Variants in CCL28 observed in about 807,000 individuals in gnomAD.
CCL28 encodes the protein C-C motif chemokine ligand 28, also known as C-C motif chemokine 28.
A neutral mutation model predicts 7.1 loss-of-function variants in CCL28; 4 were observed. The ratio of observed to expected loss-of-function variants is 0.56; its 90% CI spans 0.28 to 1.29. The LOEUF (loss-of-function observed/expected upper bound fraction) is 1.29. Among genes scored for constraint, CCL28 ranks in the 50% most tolerant of loss-of-function variants. CCL28 has a pLI of 0.11. For missense variants in CCL28, 151 were observed against 163.4 expected (o/e 0.92, Z 0.41); for synonymous variants, 55 against 57.8 (o/e 0.95, Z 0.22).
the CCL28 span, among the ~76,000 whole-genome samples, chr5:43,359,948 C>G: frequency 1.3e-5 from 2 of 151,974 alleles, no homozygotes; most frequent in African/African-American, 2.4e-5. Flanking sequence ...TCAGCAGCAC[C>G]CATTCCCTAG....
At chr5:43,362,088 G>C in the CCL28 span, among the ~76,000 whole-genome samples, 2 of 152,144 alleles carry the variant, frequency 1.3e-5, no homozygotes, top group African/African-American at 4.8e-5. Flanking sequence ...GCTTTGGGCA[G>C]TATGACCATT....
chr5:43,370,607 C>A, the CCL28 span, among the ~76,000 whole-genome samples: 1 of 152,230 alleles, frequency 6.6e-6, no homozygotes, highest in Admixed American at 6.5e-5. Context: ...TTATGTTGCA[C>A]TGGGTCACTG....
chr5:43,377,717 C>CTTTTTTTTTTTTTTTTT (rs767834184), downstream of CCL28, among the ~76,000 whole-genome samples: 25 of 42,712 alleles, frequency 5.9e-4, 8 homozygotes, highest in African/African-American at 1.7e-3. Flanking sequence ...AGAACTTAAA[C>CTTTTTTTTTTTTTTTTT]TTTTTTTTTT....
intron 1 of CCL28, among the ~76,000 whole-genome samples, chr5:43,407,740 A>G (rs1406366186): frequency 2.6e-5 from 4 of 152,236 alleles, no homozygotes; most frequent in Admixed American, 1.3e-4. Context: ...TTTACAATCT[A>G]TCCATCTGAC....
At chr5:43,383,443 A>C (rs554868228) in intron 2 of CCL28, among the ~76,000 whole-genome samples, 6 of 152,308 alleles carry the variant, frequency 3.9e-5, no homozygotes, top group Admixed American at 6.5e-5. Context: ...AAATGGGAGA[A>C]AAGTGGGGAG....
chr5:43,362,125 T>A, the CCL28 span, among the ~76,000 whole-genome samples: 1 of 152,226 alleles, frequency 6.6e-6, no homozygotes, highest in South Asian at 2.1e-4. Flanking sequence ...TTTCTAACCA[T>A]AAATTTGGAA....
At chr5:43,366,430 G>A in the CCL28 span, among the ~76,000 whole-genome samples, 1 of 152,190 alleles carries the variant, frequency 6.6e-6, no homozygotes, top group African/African-American at 2.4e-5. Context: ...CTCCTCTTCT[G>A]TAGGTCTGCT....
chr5:43,367,351 G>A, the CCL28 span, among the ~76,000 whole-genome samples: 1 of 152,208 alleles, frequency 6.6e-6, no homozygotes, highest in Non-Finnish European at 1.5e-5. Flanking sequence ...GAAACCCAGG[G>A]CCCTGGTGAC....
chr5:43,410,328 A>G (rs1741484551), intron 1 of CCL28, among the ~76,000 whole-genome samples: 1 of 152,180 alleles, frequency 6.6e-6, no homozygotes, highest in South Asian at 2.1e-4. Flanking sequence ...CCTCTATTCC[A>G]CGACTGTTCT....
chr5:43,369,007 TG>T, the CCL28 span, among the ~76,000 whole-genome samples: 4 of 28,926 alleles, frequency 1.4e-4, no homozygotes, highest in Non-Finnish European at 2.8e-4. Flanking sequence ...AGAGGTGGGG[TG>T]GGGGGCAGGG....
At chr5:43,405,284 T>C (rs1375749700) in intron 1 of CCL28, among the ~76,000 whole-genome samples, 1 of 152,160 alleles carries the variant, frequency 6.6e-6, no homozygotes. Context: ...GAACAGAAAT[T>C]ATAACAAACT....
intron 1 of CCL28, among the ~76,000 whole-genome samples, chr5:43,412,048 G>A (rs1741554362): frequency 6.6e-6 from 1 of 152,244 alleles, no homozygotes; most frequent in Admixed American, 6.5e-5. Flanking sequence ...TTTGTAGTAT[G>A]CCTGTTAGAA....
chr5:43,385,122 C>T (rs1740286780), intron 2 of CCL28, among the ~76,000 whole-genome samples: 1 of 152,208 alleles, frequency 6.6e-6, no homozygotes, highest in Non-Finnish European at 1.5e-5. Context: ...TGGTCTCGAT[C>T]TTCTGACCTC....
In CCL28 at chr5:43,379,869, C is replaced by T. The variant is rs998781136; in HGVS notation, c.*1991G>A. The stretch of plus-strand genomic sequence containing the variant: ...GCATGGTGGCTCACGCTGGTAATTC[C>T]AGCACTTTGGGAGGCACAGGCGGGT... On this transcript the variant is annotated 3_prime_UTR_variant, in exon 3 of 3. Transcript: ENST00000361115. 2 of 152,216 alleles carry T rather than the reference C, an allele frequency of 1.3e-5. No individual in the cohort carries two copies. Among genetic ancestry groups the T allele is most frequent in the African/African-American group, 2.4e-5 (1 of 41,414 alleles). 9.4% of individuals were successfully genotyped at this position (152,216 alleles called of 1,614,324 possible). A position where few individuals can be genotyped will look rare whatever the true frequency, so the allele number is the denominator to read the frequency against.
chr5:43,404,720 G>T (rs1057291810), intron 1 of CCL28, among the ~76,000 whole-genome samples: 37 of 152,258 alleles, frequency 2.4e-4, no homozygotes, highest in Non-Finnish European at 5.1e-4. Context: ...TGGCAAACTG[G>T]ATAAAGAGTC....
intron 1 of CCL28, among the ~76,000 whole-genome samples, chr5:43,411,453 G>T (rs1240026944): frequency 6.6e-6 from 1 of 152,094 alleles, no homozygotes; most frequent in Admixed American, 6.6e-5. Flanking sequence ...GACATAATTT[G>T]TATGGTTCAA....
chr5:43,376,227 T>G (rs1228363632), downstream of CCL28, among the ~76,000 whole-genome samples: 1 of 152,190 alleles, frequency 6.6e-6, no homozygotes, highest in Non-Finnish European at 1.5e-5. Context: ...TCCGACTACA[T>G]TGGTTTTCAA....
intron 1 of CCL28, among the ~76,000 whole-genome samples, chr5:43,403,596 A>C (rs1741135868): frequency 6.6e-6 from 1 of 152,232 alleles, no homozygotes; most frequent in Admixed American, 6.5e-5. Context: ...TCTAAAAATC[A>C]GAGTGCCTTT....
chr5:43,363,581 T>C, the CCL28 span, among the ~76,000 whole-genome samples: 2 of 152,340 alleles, frequency 1.3e-5, no homozygotes, highest in Non-Finnish European at 2.9e-5. Flanking sequence ...GCCCAAGCAC[T>C]GAGTCCCTGG....
Sources: allele counts gnomAD v4.1 joint callset (sites outside exome capture counted in the v4.1 genomes callset), GRCh38; gene constraint gnomAD v4.1.1; transcripts MANE v1.5; gene names NCBI Gene and HGNC (gene_info 2026-07-23, HGNC 2026-07-21).